FER: variants seen among roughly 807,000 people sequenced by gnomAD.
The protein encoded by FER is FER tyrosine kinase.
A neutral mutation model predicts 111.0 loss-of-function variants in FER; 63 were observed. The observed-to-expected ratio is 0.57, with a 90% confidence interval of 0.46 to 0.70. The LOEUF is 0.70. Ranked by LOEUF, FER falls within the 30% of genes least tolerant of loss-of-function variation. FER has a pLI of 0.00. For synonymous variants in FER, 327 were observed against 313.9 expected, an observed-to-expected ratio of 1.04 and a Z score of -0.44; for missense variants, 914 against 954.0, an observed-to-expected ratio of 0.96 and a Z score of 0.55.
At chr5:108,781,225 C>G (rs992710452) in intron 2 of FER, among the ~76,000 whole-genome samples, 4 of 152,162 alleles carry the variant, frequency 2.6e-5, no homozygotes, top group African/African-American at 9.7e-5. Flanking sequence ...GAGTCTCACT[C>G]TGTCACCCAG....
At chr5:109,096,648 A>C (rs954475604) in intron 16 of FER, among the ~76,000 whole-genome samples, 3 of 145,488 alleles carry the variant, frequency 2.1e-5, no homozygotes, top group Non-Finnish European at 4.6e-5. Context: ...TTTGCCTCTC[A>C]GTGTTATCTA....
At chr5:109,129,927 C>A (rs1465969408) in intron 17 of FER, among the ~76,000 whole-genome samples, 1 of 151,972 alleles carries the variant, frequency 6.6e-6, no homozygotes, top group Non-Finnish European at 1.5e-5. Context: ...TGAGATCCTA[C>A]TTTTACTATT....
At chr5:109,176,061 G>A (rs1167708459) in intron 17 of FER, among the ~76,000 whole-genome samples, 3 of 152,096 alleles carry the variant, frequency 2.0e-5, no homozygotes, top group African/African-American at 7.2e-5. Flanking sequence ...CTGTTGGTGA[G>A]AATGTAAATT....
intron 17 of FER, among the ~76,000 whole-genome samples, chr5:109,164,216 A>C (rs1450352722): frequency 6.6e-6 from 1 of 152,178 alleles, no homozygotes; most frequent in Non-Finnish European, 1.5e-5. Context: ...CAACTTCCCC[A>C]AAATGACATC....
At chr5:108,837,538 C>G (rs1049444965) in intron 5 of FER, among the ~76,000 whole-genome samples, 2 of 152,170 alleles carry the variant, frequency 1.3e-5, no homozygotes, top group African/African-American at 4.8e-5. Flanking sequence ...TATCTAACTT[C>G]ACCCACAGCA....
chr5:108,754,216 G>C (rs1277482896), intron 1 of FER, among the ~76,000 whole-genome samples: 3 of 152,000 alleles, frequency 2.0e-5, no homozygotes, highest in Non-Finnish European at 2.9e-5. Flanking sequence ...TTTGAGAGCA[G>C]CCTGGGTAAC....
chr5:108,954,998 A>G (rs1758252830), intron 12 of FER, 66 bp downstream of exon 12: 10 of 1,361,384 alleles, frequency 7.3e-6, no homozygotes, highest in Non-Finnish European at 9.0e-6. Flanking sequence ...TTATATTAAA[A>G]TAACGAATGG....
At chr5:108,928,061 A>G (rs1331925877) in intron 10 of FER, among the ~76,000 whole-genome samples, 1 of 152,204 alleles carries the variant, frequency 6.6e-6, no homozygotes, top group African/African-American at 2.4e-5. Context: ...TAACTGAAAG[A>G]GTAGGTAAAA....
At chr5:109,022,033 A>G (rs1042236494) in intron 13 of FER, among the ~76,000 whole-genome samples, 11 of 152,106 alleles carry the variant, frequency 7.2e-5, no homozygotes, top group Non-Finnish European at 1.0e-4. Context: ...TAGATCCAAA[A>G]GGAGGGCTAC....
chr5:108,871,455 A>G lies in FER; in HGVS notation c.756A>G (p.Glu252=). 1 of 1,611,834 alleles carries G rather than the reference A, an allele frequency of 6.2e-7. No individual in the cohort carries two copies. Among genetic ancestry groups the G allele is most frequent in the African/African-American group, 1.3e-5 (1 of 74,982 alleles). ...NVHKEIQMSV[E]QIDPSTEYNN... ...ATAAAGAGATTCAAATGTCGGTTGA[A>G]CAGATAGATCCTAGTACAGAATACA... The change falls in exon 7 of 20, where the codon GAA becomes GAG. Residue 252 remains glutamate (E), a synonymous_variant. Transcript: ENST00000281092.
At chr5:108,849,962 C>A (rs1017261269) in intron 5 of FER, among the ~76,000 whole-genome samples, 2 of 152,090 alleles carry the variant, frequency 1.3e-5, no homozygotes, top group Admixed American at 1.3e-4. Flanking sequence ...GAGGCCAAGG[C>A]GGGTGGATCA....
At chr5:109,037,289 A>G (rs1366476488) in intron 13 of FER, 133 bp from the exon 14 acceptor site, 1 of 658,672 alleles carries the variant, frequency 1.5e-6, no homozygotes, top group African/African-American at 1.8e-5. Flanking sequence ...TGGGGTTATA[A>G]CTTCTCAGTG....
intron 17 of FER, among the ~76,000 whole-genome samples, chr5:109,147,530 A>G (rs1050281001): frequency 1.3e-5 from 2 of 152,012 alleles, no homozygotes; most frequent in African/African-American, 2.4e-5. Context: ...AATCCTGAAA[A>G]GATAAAATAT....
At chr5:109,096,855 G>A (rs572543167) in intron 16 of FER, among the ~76,000 whole-genome samples, 110 of 151,512 alleles carry the variant, frequency 7.3e-4, no homozygotes, top group African/African-American at 2.5e-3. Flanking sequence ...ATGTTATACA[G>A]CAAACACCAA....
chr5:108,963,660 T>C (rs1759434915), intron 13 of FER, among the ~76,000 whole-genome samples: 1 of 152,218 alleles, frequency 6.6e-6, no homozygotes, highest in African/African-American at 2.4e-5. Flanking sequence ...TAATTGTAAT[T>C]GTAGCTTTTT....
At chr5:109,056,658 A>G (rs1275497605) in intron 16 of FER, among the ~76,000 whole-genome samples, 3 of 152,172 alleles carry the variant, frequency 2.0e-5, no homozygotes, top group Non-Finnish European at 4.4e-5. Flanking sequence ...CAACATGTGA[A>G]CTATAGGTAA....
rs764584317 is a variant in FER at position 108,871,446 on chromosome 5, G to A, written c.747G>A (p.Met249Ile). ...TGAATGTCCATAAAGAGATTCAAAT[G>A]TCGGTTGAACAGATAGATCCTAGTA... ...EIVNVHKEIQ[M>I]SVEQIDPSTE... is the part of the protein sequence containing the mutation. The change falls in exon 7 of 20, where the codon ATG becomes ATA. Residue 249 changes from methionine (M) to isoleucine (I), a missense_variant. Physicochemically the swap from Met to Ile is conservative, Grantham distance 10 (BLOSUM62 1). Around this residue, in one of 3 missense-constraint regions of FER, gnomAD observed 774 missense variants for 782.6 expected, o/e 0.99. Coordinates refer to ENST00000281092, the MANE Select transcript of FER (RefSeq NM_005246.4). The A allele has an allele frequency of 1.9e-6, 3 of 1,611,696 alleles. No homozygotes were observed. Among genetic ancestry groups the A allele is most frequent in the Non-Finnish European group, 2.5e-6 (3 of 1,178,318 alleles).
chr5:108,778,898 T>C (rs1753762251), intron 2 of FER, among the ~76,000 whole-genome samples: 1 of 152,164 alleles, frequency 6.6e-6, no homozygotes, highest in South Asian at 2.1e-4. Context: ...CAAGGGAATC[T>C]AAATTTTCTC....
intron 16 of FER, among the ~76,000 whole-genome samples, chr5:109,050,880 A>G (rs1458584260): frequency 5.3e-5 from 8 of 152,286 alleles, no homozygotes; most frequent in Admixed American, 2.0e-4. Context: ...TCTTGTTGAA[A>G]AGACCTAAGA....
Sources: gnomAD v4.1 joint callset for allele counts (sites outside exome capture counted in the v4.1 genomes callset) on GRCh38, gnomAD v4.1.1 for gene constraint, gnomAD v4.1.1 regional missense constraint, MANE v1.5 for transcripts, NCBI Gene and HGNC (gene_info 2026-07-23, HGNC 2026-07-21) for gene names.